HMCN1: variants seen among roughly 807,000 people sequenced by gnomAD.
HMCN1 encodes the protein hemicentin 1, also known as hemicentin-1.
A neutral mutation model predicts 625.9 loss-of-function variants in HMCN1; 321 were observed. The ratio of observed to expected loss-of-function variants is 0.51; its 90% confidence interval spans 0.47 to 0.56. The LOEUF (loss-of-function observed/expected upper bound fraction) is 0.56, where lower values mean the gene tolerates loss of function less well. HMCN1 is among the 20% of genes least tolerant of loss of function. The pLI, the probability that HMCN1 is intolerant of heterozygous loss-of-function variation, is 0.00. For synonymous variants in HMCN1, 2,425 were observed against 2,417.6 expected (o/e 1.00, Z -0.09); for missense variants, 6,588 against 6,887.3 (o/e 0.96, Z 1.54).
intron 86 of HMCN1, among the ~76,000 whole-genome samples, chr1:186,133,520 T>G (rs114457493): frequency 1.6e-3 from 242 of 152,254 alleles, no homozygotes; most frequent in Non-Finnish European, 2.6e-3. Context: ...CAGAACCACT[T>G]AAGGGGCTGA....
At chr1:186,152,125 T>C (rs995969560) in intron 95 of HMCN1, among the ~76,000 whole-genome samples, 1 of 152,212 alleles carries the variant, frequency 6.6e-6, no homozygotes, top group African/African-American at 2.4e-5. Context: ...AGCAGTTCTT[T>C]ATGAAAAAGA....
rs1650827458 is a variant in HMCN1, at chr1:186,153,894, T to A, written c.15163T>A (p.Leu5055Met). ...YDQAQGRMPF[L>M]VETLHASSVE... is the part of the protein sequence containing the mutation. ...TCAGGCACAGGGAAGAATGCCTTTC[T>A]TGGTTGAAACACTTCATGCATCCTC... The change falls in exon 97 of 107, where the codon TTG becomes ATG. Residue 5055 changes from leucine (L) to methionine (M), a missense_variant. Transcript: ENST00000271588. 1 of 1,614,026 alleles carries A rather than the reference T, an allele frequency of 6.2e-7. No homozygotes were observed. The highest frequency in any genetic ancestry group is 1.7e-5 in the Admixed American group (1 of 59,994).
At chr1:185,849,138 C>T (rs1228777146) in intron 2 of HMCN1, among the ~76,000 whole-genome samples, 1 of 152,006 alleles carries the variant, frequency 6.6e-6, no homozygotes, top group African/African-American at 2.4e-5. Context: ...CATCTAGTGC[C>T]ACTCTTTCTC....
chr1:185,853,371 C>G (rs1010088825), intron 2 of HMCN1, among the ~76,000 whole-genome samples: 4 of 152,070 alleles, frequency 2.6e-5, no homozygotes, highest in Admixed American at 1.3e-4. Flanking sequence ...CTCATGCACA[C>G]TTTGGGGAGA....
chr1:186,013,766 C>T (rs775095145), intron 30 of HMCN1, among the ~76,000 whole-genome samples: 1 of 152,020 alleles, frequency 6.6e-6, no homozygotes, highest in African/African-American at 2.4e-5. Context: ...ATTGAAAGAC[C>T]TCCCAATAGC....
At chr1:186,129,674 T>G (rs1661825900) in intron 83 of HMCN1, among the ~76,000 whole-genome samples, 1 of 152,108 alleles carries the variant, frequency 6.6e-6, no homozygotes, top group Non-Finnish European at 1.5e-5. Flanking sequence ...GAGCCAGCTT[T>G]AAGCAACGCA....
intron 30 of HMCN1, among the ~76,000 whole-genome samples, chr1:186,009,814 A>G (rs1653878389): frequency 6.6e-6 from 1 of 152,114 alleles, no homozygotes; most frequent in Admixed American, 6.6e-5. Context: ...GTTCTGAGGC[A>G]AAGATTTGTA....
chr1:186,150,630 T>C (rs952445951), intron 93 of HMCN1, among the ~76,000 whole-genome samples: 5 of 152,156 alleles, frequency 3.3e-5, no homozygotes, highest in African/African-American at 1.2e-4. Context: ...GAAGCTGTTT[T>C]GTTGATGAAG....
At chr1:185,987,392 G>A (rs1558120136) in intron 19 of HMCN1, 40 bp from the exon 20 acceptor site, 2 of 1,206,518 alleles carry the variant, frequency 1.7e-6, no homozygotes, top group Non-Finnish European at 1.2e-6. Flanking sequence ...TTAAATGGAA[G>A]AACAGGTGCT....
chr1:186,128,915 CATTT>C (rs1661783676), intron 83 of HMCN1, among the ~76,000 whole-genome samples: 1 of 151,964 alleles, frequency 6.6e-6, no homozygotes, highest in African/African-American at 2.4e-5. Context: ...ACACTGTTAG[CATTT>C]ACTAAGTGTC....
At chr1:185,885,958 T>C (rs1008998186) in intron 4 of HMCN1, among the ~76,000 whole-genome samples, 4 of 152,118 alleles carry the variant, frequency 2.6e-5, no homozygotes, top group African/African-American at 9.6e-5. Context: ...TTTACAATTT[T>C]GTAGACATTC....
intron 1 of HMCN1, among the ~76,000 whole-genome samples, chr1:185,741,203 C>A (rs865899638): frequency 4.3e-4 from 66 of 152,108 alleles, no homozygotes; most frequent in Middle Eastern, 6.8e-3. Flanking sequence ...ATCATACGCC[C>A]AATATGCCAT....
chr1:185,957,846 G>C (rs1022640598), intron 11 of HMCN1, among the ~76,000 whole-genome samples: 7 of 152,096 alleles, frequency 4.6e-5, no homozygotes, highest in African/African-American at 1.7e-4. Flanking sequence ...TTAATGATGA[G>C]AATTACTTCA....
In HMCN1 at chr1:186,076,473, A is replaced by ATAT; in HGVS notation, c.8338_8339insTTA (p.Asp2779_Thr2780insIle). 6.2e-7 allele frequency: 1 copy of ATAT among 1,613,748 alleles called. No individual in the cohort carries two copies. Among genetic ancestry groups the ATAT allele is most frequent in the Non-Finnish European group, 8.5e-7 (1 of 1,179,800 alleles). On this transcript the variant is annotated inframe_insertion, in exon 54 of 107. Coordinates refer to ENST00000271588, the MANE Select transcript of HMCN1 (RefSeq NM_031935.3). ...CTCTGGGAAATAGGAAACATGCTAG[A>ATAT]TACTGGCAGGAATGGTGAAGCCAAA...
intron 56 of HMCN1, among the ~76,000 whole-genome samples, chr1:186,082,036 A>T (rs7530133): frequency 0.63 from 96,540 of 152,040 alleles, 32,879 homozygotes; most frequent in African/African-American, 0.9. Flanking sequence ...CAAAAGAGAA[A>T]GAGGTTTATT....
At chr1:186,062,489 T>G in intron 47 of HMCN1, 25 bp from the exon 48 acceptor site, 1 of 1,418,706 alleles carries the variant, frequency 7.0e-7, no homozygotes, top group Non-Finnish European at 1.0e-6. Flanking sequence ...AGAGCTGTTA[T>G]TTTGTTGTTG....
chr1:185,866,701 T>A (rs1265712848), intron 4 of HMCN1, among the ~76,000 whole-genome samples: 1 of 151,902 alleles, frequency 6.6e-6, no homozygotes, highest in Non-Finnish European at 1.5e-5. Flanking sequence ...CCACCGCGTC[T>A]GGACCATAAT....
intron 51 of HMCN1, among the ~76,000 whole-genome samples, 158 bp downstream of exon 51, chr1:186,069,934 T>C (rs763660055): frequency 2.0e-5 from 3 of 152,268 alleles, no homozygotes; most frequent in Non-Finnish European, 2.9e-5. Context: ...TTAAGCATTG[T>C]GTCTATGGCC....
At chr1:186,059,908 G>A (rs989968628) in intron 46 of HMCN1, among the ~76,000 whole-genome samples, 4 of 152,006 alleles carry the variant, frequency 2.6e-5, no homozygotes, top group African/African-American at 7.2e-5. Flanking sequence ...TGAGGTTGAC[G>A]TTTGTAGAGC....
Sources: allele counts gnomAD v4.1 joint callset (sites outside exome capture counted in the v4.1 genomes callset), GRCh38; gene constraint gnomAD v4.1.1; transcripts MANE v1.5; gene names NCBI Gene and HGNC (gene_info 2026-07-23, HGNC 2026-07-21).